The following CCDC171 variants were observed in gnomAD, a reference collection of about 807,000 sequenced individuals.
The protein encoded by CCDC171 is coiled-coil domain-containing protein 171.
CCDC171 carries 177 observed loss-of-function variants against 168.2 expected under a neutral mutation model. The ratio of observed to expected loss-of-function variants is 1.05; its 90% CI spans 0.93 to 1.19. CCDC171 has a LOEUF of 1.19. Among genes scored for constraint, CCDC171 ranks in the 50% most tolerant of loss-of-function variants. CCDC171 has a pLI of 0.00. For missense variants in CCDC171, 1,991 were observed against 1,539.0 expected (o/e 1.29, Z -4.91); for synonymous variants, 687 against 540.8 (o/e 1.27, Z -3.75).
At chr9:15,868,324 G>T (rs189843039) in intron 23 of CCDC171, among the ~76,000 whole-genome samples, 1 of 152,080 alleles carries the variant, frequency 6.6e-6, no homozygotes, top group Admixed American at 6.6e-5. Context: ...GAGTGTCAAG[G>T]TCTCTTTCCA....
intron 25 of CCDC171, among the ~76,000 whole-genome samples, chr9:15,922,641 T>A (rs2987063): frequency 1.5e-4 from 23 of 151,606 alleles, no homozygotes; most frequent in South Asian, 4.1e-4. Flanking sequence ...TTTTGAGGAA[T>A]CTTCATACTG....
chr9:15,692,055 C>G (rs767836237), intron 10 of CCDC171, among the ~76,000 whole-genome samples: 11 of 152,168 alleles, frequency 7.2e-5, no homozygotes, highest in Non-Finnish European at 1.3e-4. Context: ...AACACAGCAA[C>G]AACTTGCATG....
chr9:15,633,846 A>C (rs982000908), intron 7 of CCDC171, among the ~76,000 whole-genome samples: 13 of 152,370 alleles, frequency 8.5e-5, no homozygotes, highest in African/African-American at 3.1e-4. Context: ...ATGCAGCCAT[A>C]AAAAATGATG....
At chr9:15,909,783 A>T (rs1823341766) in intron 24 of CCDC171, among the ~76,000 whole-genome samples, 1 of 152,180 alleles carries the variant, frequency 6.6e-6, no homozygotes, top group Admixed American at 6.5e-5. Context: ...ATTTCCTTTA[A>T]TTCCTGGTGC....
Position 15,720,817 on chromosome 9 carries a change from C to T in CCDC171, c.1319-952C>T, listed in dbSNP as rs142338440. The stretch of plus-strand genomic sequence containing the variant: ...AACTCGTCATTTACATTAGGTATAT[C>T]TCCTAATGCTATCCCTCCTCCCTCC... On this transcript the variant is annotated intron_variant, in intron 11 of 25. Transcript: ENST00000380701. 5.3e-3 allele frequency among the ~76,000 whole-genome samples: 810 copies of T among 152,226 alleles called. 9 individuals carry two copies. The highest frequency in any genetic ancestry group is 0.018 in the African/African-American group (760 of 41,522).
intron 3 of CCDC171, among the ~76,000 whole-genome samples, chr9:15,994,097 G>A (rs1025011462): frequency 1.7e-4 from 26 of 152,170 alleles, no homozygotes; most frequent in Middle Eastern, 3.4e-3. Flanking sequence ...TGTATATACC[G>A]AAAGGATTAT....
chr9:16,021,656 G>T (rs1227063901), intron 4 of CCDC171, among the ~76,000 whole-genome samples: 3 of 152,190 alleles, frequency 2.0e-5, no homozygotes, highest in African/African-American at 7.2e-5. Flanking sequence ...AGTGGTTGAG[G>T]ATTAAATGAA....
At chr9:15,624,439 A>G (rs941049367) in intron 7 of CCDC171, among the ~76,000 whole-genome samples, 3 of 152,022 alleles carry the variant, frequency 2.0e-5, no homozygotes, top group Non-Finnish European at 2.9e-5. Flanking sequence ...CATTAGGTAT[A>G]TCTCCTAATG....
At chr9:15,582,223 A>G (rs1230289453) in intron 4 of CCDC171, among the ~76,000 whole-genome samples, 4 of 152,282 alleles carry the variant, frequency 2.6e-5, no homozygotes, top group Admixed American at 1.3e-4. Flanking sequence ...CAAAACCACA[A>G]TGAGTTGTCA....
At chr9:15,686,039 G>A (rs1300666717) in intron 10 of CCDC171, among the ~76,000 whole-genome samples, 2 of 151,910 alleles carry the variant, frequency 1.3e-5, no homozygotes, top group Non-Finnish European at 2.9e-5. Context: ...ATCTCATATT[G>A]TAATAGTGTG....
At chr9:15,719,274 TAC>T (rs1248834577) in intron 11 of CCDC171, among the ~76,000 whole-genome samples, 5 of 151,410 alleles carry the variant, frequency 3.3e-5, no homozygotes, top group Non-Finnish European at 7.4e-5. Context: ...TATTCGAAAA[TAC>T]ACAGTCAGAG....
intron 24 of CCDC171, among the ~76,000 whole-genome samples, chr9:15,919,346 A>G (rs1824989758): frequency 6.6e-6 from 1 of 151,686 alleles, no homozygotes; most frequent in Non-Finnish European, 1.5e-5. Context: ...CAACTGCTCA[A>G]ATACATAATT....
intron 10 of CCDC171, among the ~76,000 whole-genome samples, chr9:15,679,873 T>C (rs569844787): frequency 7.2e-5 from 11 of 152,194 alleles, no homozygotes; most frequent in Non-Finnish European, 1.3e-4. Context: ...TATATTCTTA[T>C]TTTTATTCAG....
At chr9:15,635,690 G>A (rs2046148461) in intron 7 of CCDC171, among the ~76,000 whole-genome samples, 1 of 152,162 alleles carries the variant, frequency 6.6e-6, no homozygotes, top group African/African-American at 2.4e-5. Flanking sequence ...TTGACACTCG[G>A]TATTAACCAT....
intron 24 of CCDC171, among the ~76,000 whole-genome samples, chr9:15,904,054 T>G (rs1438197004): frequency 1.3e-5 from 2 of 152,180 alleles, no homozygotes; most frequent in Admixed American, 6.5e-5. Context: ...ATCTGATTGG[T>G]GTACCTGAAA....
chr9:15,884,756 C>G (rs1436258310), intron 24 of CCDC171, among the ~76,000 whole-genome samples: 1 of 152,006 alleles, frequency 6.6e-6, no homozygotes, highest in South Asian at 2.1e-4. Flanking sequence ...GCTCACAGGA[C>G]TGTAGGGAGA....
In CCDC171 at chr9:15,786,278, C is replaced by G. The variant is rs1272849354; in HGVS notation, c.3267+1584C>G. ...GTATTACTTAGTAATAGATTGTGAG[C>G]ATTCTTGCTTACCAACCGATATGAC... is the stretch of plus-strand genomic sequence containing the variant. On this transcript the variant is annotated intron_variant, in intron 21 of 25. Coordinates refer to ENST00000380701, the MANE Select transcript of CCDC171 (RefSeq NM_173550.4). Among the ~76,000 whole-genome samples, 31 of 152,018 alleles carry G rather than the reference C, an allele frequency of 2.0e-4. 1 individual carries two copies. The highest frequency in any genetic ancestry group is 2.0e-3 in the Admixed American group (31 of 15,242).
rs555481748 is a variant in CCDC171, at chr9:15,852,455, A to G, written c.3468+3508A>G. ...TGTCTTTTTGTTGTTGAGTTTTAAG[A>G]GTTCTTTGCATATTCTGGATACTAG... On this transcript the variant is annotated intron_variant, in intron 23 of 25. Coordinates refer to ENST00000380701, the MANE Select transcript of CCDC171 (RefSeq NM_173550.4). 3.7e-4 allele frequency among the ~76,000 whole-genome samples: 56 copies of G among 151,794 alleles called. 1 individual carries two copies. Among genetic ancestry groups the G allele is most frequent in the Admixed American group, 1.8e-3 (27 of 15,158 alleles).
chr9:15,777,869 G>C, intron 19 of CCDC171, 43 bp downstream of exon 19: 2 of 1,299,924 alleles, frequency 1.5e-6, no homozygotes, highest in Non-Finnish European at 2.1e-6. Flanking sequence ...AGAACTTGTA[G>C]GTTTAATTTT....
Sources: gnomAD v4.1 joint callset for allele counts (sites outside exome capture counted in the v4.1 genomes callset) on GRCh38, gnomAD v4.1.1 for gene constraint, MANE v1.5 for transcripts, NCBI Gene and HGNC (gene_info 2026-07-23, HGNC 2026-07-21) for gene names.